The following NTN1 variants were observed in gnomAD, a reference collection of about 807,000 sequenced individuals.
The protein encoded by NTN1 is netrin-1.
NTN1 carries 11 observed loss-of-function variants against 54.2 expected under a neutral mutation model. That is an observed-to-expected ratio of 0.20 (90% CI 0.13 to 0.34). NTN1 has a LOEUF of 0.34. Ranked by LOEUF, NTN1 falls within the 10% of genes least tolerant of loss-of-function variation. The pLI is 1.00. For synonymous variants in NTN1, 371 were observed against 382.0 expected (o/e 0.97, Z 0.33); for missense variants, 740 against 893.1 (o/e 0.83, Z 2.18).
chr17:9,239,732 C>T lies in NTN1; in HGVS notation c.1579C>T (p.Arg527Cys). Reference protein sequence around the residue: ...IISVYKQGTSRIRRGDQSLWI... With the variant: ...IISVYKQGTSCIRRGDQSLWI... ...CTCCGTGTATAAGCAGGGCACGAGC[C>T]GCATCCGCCGCGGTGACCAGAGCCT... The change falls in exon 7 of 7, where the codon CGC (arginine) becomes TGC (cysteine). Residue 527 changes from arginine (R) to cysteine (C), a missense_variant. By Grantham distance (180) the Arg-to-Cys change is radical (BLOSUM62 -3). Coordinates refer to ENST00000173229, the MANE Select transcript of NTN1 (RefSeq NM_004822.3). The surrounding 1 kb of genome is among the most constrained non-coding windows in gnomAD (Gnocchi z 5.2). 1 of 1,613,650 alleles carries T rather than the reference C, an allele frequency of 6.2e-7. No homozygotes were observed. Among genetic ancestry groups the T allele is most frequent in the Non-Finnish European group, 8.5e-7 (1 of 1,180,016 alleles).
chr17:9,156,473 C>T lies in NTN1; in HGVS notation c.1019-6340C>T, dbSNP rs565214288. Among the ~76,000 whole-genome samples the T allele has an allele frequency of 7.2e-5, 11 of 152,216 alleles. 1 individual carries two copies. In the South Asian group the frequency reaches 1.9e-3, roughly 26 times the overall value. On this transcript the variant is annotated intron_variant, in intron 2 of 6. Transcript: ENST00000173229. The stretch of plus-strand genomic sequence containing the variant: ...GTCTGGGGGAGCCAGGACCAGAGTC[C>T]CTGAGAGACATGGTCTGGAAACTGC...
intron 5 of NTN1, among the ~76,000 whole-genome samples, chr17:9,214,715 AG>A (rs1480700102): frequency 6.6e-6 from 1 of 152,136 alleles, no homozygotes; most frequent in East Asian, 1.9e-4. Context: ...CCAGCTACTC[AG>A]GAGGCTGAGG....
At chr17:9,197,108 T>C (rs1014585572) in intron 5 of NTN1, among the ~76,000 whole-genome samples, 7 of 152,188 alleles carry the variant, frequency 4.6e-5, no homozygotes, top group African/African-American at 1.7e-4. Flanking sequence ...AAAGGCATCC[T>C]GAGAGTGAAA....
the NTN1 span, among the ~76,000 whole-genome samples, chr17:9,011,035 T>C: frequency 6.6e-6 from 1 of 152,082 alleles, no homozygotes; most frequent in Non-Finnish European, 1.5e-5. Context: ...TAGGGCCTTA[T>C]AAGGAATGTG....
At chr17:9,217,040 C>A (rs565524003) in intron 5 of NTN1, among the ~76,000 whole-genome samples, 49 of 144,666 alleles carry the variant, frequency 3.4e-4, no homozygotes, top group African/African-American at 1.2e-3. Flanking sequence ...GGCATGACTC[C>A]GTCTCAAAAA....
At chr17:9,223,927 T>TAG (rs1379714914) in intron 6 of NTN1, among the ~76,000 whole-genome samples, 2 of 151,480 alleles carry the variant, frequency 1.3e-5, no homozygotes, top group Non-Finnish European at 2.9e-5. Context: ...TGGGCTTGCT[T>TAG]GGGGAATGGA....
At chr17:9,193,917 G>A (rs1336287979) in intron 5 of NTN1, among the ~76,000 whole-genome samples, 6 of 5,354 alleles carry the variant, frequency 1.1e-3, no homozygotes, top group Non-Finnish European at 2.0e-3. Context: ...GTGAAACTCC[G>A]ACTAAAAAAA....
chr17:9,085,398 G>A (rs185108394), intron 2 of NTN1, among the ~76,000 whole-genome samples: 70 of 152,310 alleles, frequency 4.6e-4, no homozygotes, highest in African/African-American at 1.5e-3. Context: ...TGGAAGTTAC[G>A]CGTGTCATTT....
intron 2 of NTN1, among the ~76,000 whole-genome samples, chr17:9,079,026 G>A (rs762216922): frequency 2.0e-5 from 3 of 152,230 alleles, no homozygotes; most frequent in Non-Finnish European, 2.9e-5. Flanking sequence ...TGGCTCCTCA[G>A]CCTCTCCCTC....
At chr17:9,217,160 C>T (rs1357861486) in intron 5 of NTN1, among the ~76,000 whole-genome samples, 1 of 152,220 alleles carries the variant, frequency 6.6e-6, no homozygotes, top group Non-Finnish European at 1.5e-5. Context: ...ACTGCCCCCA[C>T]TCACTTCCTG....
chr17:9,048,995 T>C (rs2091950720), intron 2 of NTN1, among the ~76,000 whole-genome samples: 1 of 152,246 alleles, frequency 6.6e-6, no homozygotes, highest in Non-Finnish European at 1.5e-5. Flanking sequence ...AGCCTTTTCC[T>C]GGCTTAATGA....
At chr17:9,053,557 C>T (rs1043199030) in intron 2 of NTN1, among the ~76,000 whole-genome samples, 2 of 152,228 alleles carry the variant, frequency 1.3e-5, no homozygotes, top group Non-Finnish European at 2.9e-5. Flanking sequence ...TTCTCCCCTC[C>T]CTCCCACCTC....
At chr17:9,087,450 A>T (rs975411494) in intron 2 of NTN1, among the ~76,000 whole-genome samples, 3 of 152,236 alleles carry the variant, frequency 2.0e-5, no homozygotes, top group Non-Finnish European at 4.4e-5. Context: ...TGATGACAAC[A>T]GGAAGACCGT....
At chr17:9,103,912 T>G (rs2092157837) in intron 2 of NTN1, among the ~76,000 whole-genome samples, 1 of 151,346 alleles carries the variant, frequency 6.6e-6, no homozygotes, top group African/African-American at 2.4e-5. Context: ...TTGGCGAAAC[T>G]CCATCTCTAC....
At chr17:9,042,483 T>A (rs1476123597) in intron 2 of NTN1, among the ~76,000 whole-genome samples, 45 of 105,862 alleles carry the variant, frequency 4.3e-4, no homozygotes, top group African/African-American at 1.7e-3. Context: ...TGAGACTCTG[T>A]CCCTTAAAAA....
At chr17:9,090,659 C>T (rs1421794588) in intron 2 of NTN1, among the ~76,000 whole-genome samples, 1 of 152,078 alleles carries the variant, frequency 6.6e-6, no homozygotes, top group Non-Finnish European at 1.5e-5. Flanking sequence ...CTTCCCGCTG[C>T]TTGTCTTCTC....
chr17:9,161,555 A>G (rs998677702), intron 2 of NTN1, among the ~76,000 whole-genome samples: 4 of 152,086 alleles, frequency 2.6e-5, no homozygotes, highest in Admixed American at 2.6e-4. Flanking sequence ...TGAGGTGGGA[A>G]GGTCACAAGG....
rs115977604 is a variant in NTN1, at chr17:9,183,315, A to G, written c.1411+346A>G. The G allele has an allele frequency of 2.2e-3, 1,235 of 554,818 alleles. 15 individuals carry two copies. Among genetic ancestry groups the G allele is most frequent in the African/African-American group, 0.021 (1,109 of 53,442 alleles). 34.4% of individuals were successfully genotyped at this position (554,818 alleles called of 1,614,324 possible). A position where few individuals can be genotyped will look rare whatever the true frequency, so the allele number is the denominator to read the frequency against. ...TCCTTCCTGGGGCTGCAGAGAAGGA[A>G]GGAGCCAGATGCTGGGGATACAGAA... On this transcript the variant is annotated intron_variant, in intron 5 of 6. Coordinates refer to ENST00000173229, the MANE Select transcript of NTN1 (RefSeq NM_004822.3).
chr17:9,210,122 C>T (rs1827641886), intron 5 of NTN1, among the ~76,000 whole-genome samples: 1 of 152,118 alleles, frequency 6.6e-6, no homozygotes, highest in Admixed American at 6.5e-5. Flanking sequence ...AGCTGCTGCC[C>T]CTGTCCTTCC....
Sources: gnomAD v4.1 joint callset for allele counts (sites outside exome capture counted in the v4.1 genomes callset) on GRCh38, gnomAD v4.1.1 for gene constraint, Gnocchi (gnomAD v3.1) non-coding constraint, MANE v1.5 for transcripts, NCBI Gene and HGNC (gene_info 2026-07-23, HGNC 2026-07-21) for gene names.